Variants in PRICKLE1 observed in about 807,000 individuals in gnomAD.
PRICKLE1 encodes prickle-like protein 1.
In PRICKLE1, 14 loss-of-function variants were observed where a neutral mutation model predicts 70.2. That is an observed-to-expected ratio of 0.20 (90% confidence interval 0.13 to 0.31). PRICKLE1 has a LOEUF of 0.31. Among genes scored for constraint, PRICKLE1 ranks in the 10% least tolerant of loss-of-function variants. The probability of loss-of-function intolerance (pLI) is 1.00; values close to 1 mark genes in which losing one functional copy is unlikely to be tolerated. For missense variants in PRICKLE1, 821 were observed against 1,026.2 expected, an observed-to-expected ratio of 0.80 and a Z score of 2.73; for synonymous variants, 357 against 379.9, an observed-to-expected ratio of 0.94 and a Z score of 0.70.
At chr12:42,541,898 C>G (rs1204612417) in intron 1 of PRICKLE1, among the ~76,000 whole-genome samples, 1 of 152,150 alleles carries the variant, frequency 6.6e-6, no homozygotes, top group East Asian at 1.9e-4. Context: ...TCCATGCTCC[C>G]CTCTAGCCAT....
At chr12:42,530,862 T>C (rs1592006010) in intron 1 of PRICKLE1, among the ~76,000 whole-genome samples, 1 of 150,072 alleles carries the variant, frequency 6.7e-6, no homozygotes, top group African/African-American at 2.5e-5. Flanking sequence ...GGTGAAACCC[T>C]GTTTCACCAT....
chr12:42,497,723 G>A (rs559927412), intron 1 of PRICKLE1, among the ~76,000 whole-genome samples: 1 of 152,160 alleles, frequency 6.6e-6, no homozygotes, highest in Admixed American at 6.5e-5. Flanking sequence ...ATGTGACACA[G>A]AGACACGAAG....
intron 1 of PRICKLE1, among the ~76,000 whole-genome samples, chr12:42,495,941 ACTT>A (rs1453492469): frequency 2.0e-5 from 3 of 152,186 alleles, no homozygotes; most frequent in Non-Finnish European, 4.4e-5. Flanking sequence ...GTTGAAATAA[ACTT>A]CTTCAAAATG....
At position 42,464,030 on chromosome 12, in the gene PRICKLE1, C is replaced by A. The variant is rs550691441; in HGVS notation, c.1639+365G>T. Among the ~76,000 whole-genome samples the A allele has an allele frequency of 1.3e-5, 2 of 151,808 alleles. No individual in the cohort carries two copies. Among genetic ancestry groups the A allele is most frequent in the African/African-American group, 4.8e-5 (2 of 41,342 alleles). ...CACAACTCCTACTCATGCTGAATTG[C>A]AATTTTTTTTTTTTTTGAGATGGAG... On this transcript the variant is annotated intron_variant, in intron 7 of 7. Coordinates refer to ENST00000345127, the MANE Select transcript of PRICKLE1 (RefSeq NM_153026.3). The surrounding 1 kb of genome is among the most constrained non-coding windows in gnomAD (Gnocchi z 4.2).
intron 1 of PRICKLE1, among the ~76,000 whole-genome samples, chr12:42,518,359 G>A (rs2120452706): frequency 6.6e-6 from 1 of 152,260 alleles, no homozygotes; most frequent in East Asian, 1.9e-4. Context: ...TGGATGTCTT[G>A]ATAAGACTAT....
At chr12:42,527,835 G>T (rs923034443) in intron 1 of PRICKLE1, among the ~76,000 whole-genome samples, 1 of 150,228 alleles carries the variant, frequency 6.7e-6, no homozygotes, top group African/African-American at 2.4e-5. Context: ...GGAAGAATGG[G>T]CAGCTATCTG....
chr12:42,582,924 C>T (rs1050770490), intron 1 of PRICKLE1, among the ~76,000 whole-genome samples: 2 of 152,176 alleles, frequency 1.3e-5, no homozygotes, highest in Admixed American at 6.5e-5. Flanking sequence ...AAAGGTTGGA[C>T]ACCCCTGAAT....
At chr12:42,505,480 G>C (rs540950127) in intron 1 of PRICKLE1, among the ~76,000 whole-genome samples, 33 of 152,200 alleles carry the variant, frequency 2.2e-4, no homozygotes, top group Non-Finnish European at 3.1e-4. Flanking sequence ...CTGTTGCCCA[G>C]GCTGGAGTGC....
intron 1 of PRICKLE1, among the ~76,000 whole-genome samples, chr12:42,572,240 C>G (rs1348780452): frequency 6.6e-6 from 1 of 151,926 alleles, no homozygotes; most frequent in Non-Finnish European, 1.5e-5. Flanking sequence ...TCGAGACCAG[C>G]CTGGCCAACA....
At chr12:42,542,136 T>A in intron 1 of PRICKLE1, among the ~76,000 whole-genome samples, 1 of 152,178 alleles carries the variant, frequency 6.6e-6, no homozygotes, top group East Asian at 1.9e-4. Flanking sequence ...TACTCCCTCA[T>A]CACTCTACGA....
chr12:42,521,001 T>C (rs1405909969), intron 1 of PRICKLE1, among the ~76,000 whole-genome samples: 2 of 152,136 alleles, frequency 1.3e-5, no homozygotes, highest in East Asian at 3.9e-4. Flanking sequence ...TGAAACCCCA[T>C]CTCTACCAAA....
At chr12:42,582,717 G>A (rs953489004) in intron 1 of PRICKLE1, among the ~76,000 whole-genome samples, 1 of 152,162 alleles carries the variant, frequency 6.6e-6, no homozygotes, top group Middle Eastern at 3.2e-3. Flanking sequence ...TCCGACCCAC[G>A]GACCGTGGGC....
chr12:42,503,218 A>G (rs1368143749), intron 1 of PRICKLE1, among the ~76,000 whole-genome samples: 1 of 152,224 alleles, frequency 6.6e-6, no homozygotes, highest in Non-Finnish European at 1.5e-5. Flanking sequence ...TTAACAATCT[A>G]TATCTGGGCT....
chr12:42,521,608 G>T (rs948189073), intron 1 of PRICKLE1, among the ~76,000 whole-genome samples: 1 of 152,106 alleles, frequency 6.6e-6, no homozygotes, highest in Non-Finnish European at 1.5e-5. Context: ...GCTGAGGTCG[G>T]GGGGATCGCT....
At chr12:42,470,136 G>A in intron 3 of PRICKLE1, 110 bp downstream of exon 3, 1 of 789,872 alleles carries the variant, frequency 1.3e-6, no homozygotes, top group Admixed American at 2.0e-5. Flanking sequence ...CTAAAGAAAG[G>A]CAAAAGGGAG....
chr12:42,492,706 A>G (rs1476919642), intron 1 of PRICKLE1, among the ~76,000 whole-genome samples: 1 of 152,254 alleles, frequency 6.6e-6, no homozygotes, highest in East Asian at 1.9e-4. Flanking sequence ...ACGCAGCTCT[A>G]GTAAGTAACT....
intron 1 of PRICKLE1, among the ~76,000 whole-genome samples, chr12:42,493,779 G>C (rs1236029426): frequency 6.6e-6 from 1 of 151,360 alleles, no homozygotes; most frequent in Admixed American, 6.6e-5. Context: ...GATCATCTGA[G>C]CCCAGGAGTT....
intron 1 of PRICKLE1, among the ~76,000 whole-genome samples, chr12:42,519,900 T>A (rs1236633817): frequency 6.6e-6 from 1 of 152,136 alleles, no homozygotes; most frequent in Admixed American, 6.5e-5. Context: ...CCTGAACTCC[T>A]AGCCTCAAGC....
At chr12:42,588,608 A>G (rs1437745110) in intron 1 of PRICKLE1, among the ~76,000 whole-genome samples, 1 of 151,898 alleles carries the variant, frequency 6.6e-6, no homozygotes, top group Non-Finnish European at 1.5e-5. Flanking sequence ...ATCAGCAACC[A>G]AACGCGTTCG....
Sources: allele counts gnomAD v4.1 joint callset (sites outside exome capture counted in the v4.1 genomes callset), GRCh38; gene constraint gnomAD v4.1.1; non-coding constraint Gnocchi (gnomAD v3.1); transcripts MANE v1.5; gene names NCBI Gene and HGNC (gene_info 2026-07-23, HGNC 2026-07-21).